MEGF10: variants seen among roughly 807,000 people sequenced by gnomAD.
MEGF10 encodes the protein multiple EGF like domains 10.
A neutral mutation model predicts 147.5 loss-of-function variants in MEGF10; 86 were observed. That is an observed-to-expected ratio of 0.58 (90% CI 0.49 to 0.70). The LOEUF (loss-of-function observed/expected upper bound fraction) is 0.70, where lower values mean the gene tolerates loss of function less well. Ranked by LOEUF, MEGF10 falls within the 30% of genes least tolerant of loss-of-function variation. The probability of loss-of-function intolerance (pLI) is 0.00; values close to 1 mark genes in which losing one functional copy is unlikely to be tolerated. For synonymous variants in MEGF10, 478 were observed against 525.5 expected, an observed-to-expected ratio of 0.91 and a Z score of 1.24; for missense variants, 1,329 against 1,487.3, an observed-to-expected ratio of 0.89 and a Z score of 1.75.
chr5:127,305,744 C>T (rs1458903844), intron 1 of MEGF10, among the ~76,000 whole-genome samples: 5 of 152,114 alleles, frequency 3.3e-5, no homozygotes, highest in South Asian at 2.1e-4. Context: ...GTGCAGCCAC[C>T]GGGGATGGTT....
rs1413557342 is a variant in MEGF10 at position 127,438,423 on chromosome 5, A to G, written c.2105-16A>G. 3 of 1,613,096 alleles carry G rather than the reference A, an allele frequency of 1.9e-6. No individual in the cohort carries two copies. The highest frequency in any genetic ancestry group is 2.5e-6 in the Non-Finnish European group (3 of 1,179,520). On this transcript the variant is annotated splice_polypyrimidine_tract_variant and intron_variant, in intron 16 of 24. Transcript: ENST00000503335. ...CCTCAGAACTCTGATGGACTTCTCC[A>G]TACCTGTAATTTCAGCATGTCCACC...
chr5:127,437,401 C>T (rs1384315831), intron 16 of MEGF10, among the ~76,000 whole-genome samples: 1 of 149,452 alleles, frequency 6.7e-6, no homozygotes, highest in Non-Finnish European at 1.5e-5. Flanking sequence ...AGTATTTTCC[C>T]CTTGCTCTTG....
the MEGF10 span, among the ~76,000 whole-genome samples, chr5:127,280,107 C>T: frequency 3.3e-4 from 50 of 152,078 alleles, no homozygotes; most frequent in Non-Finnish European, 1.5e-4. Context: ...AAATTATTGT[C>T]GTACTTGTGA....
rs545738779 is a variant in MEGF10, at chr5:127,337,676, G to A, written c.117-1444G>A. Among the ~76,000 whole-genome samples, 4 of 152,138 alleles carry A rather than the reference G, an allele frequency of 2.6e-5. No individual in the cohort carries two copies. The South Asian group carries it at 8.3e-4, about 32-fold the overall frequency. On this transcript the variant is annotated intron_variant, in intron 2 of 24. Coordinates refer to ENST00000503335, the MANE Select transcript of MEGF10 (RefSeq NM_001256545.2). ...AGGTAGCAATGGGTAACATTTGTTGGAGGTAGAAAGAAACAGTCATCTAAA... is the reference window on the plus strand; with the variant it reads ...AGGTAGCAATGGGTAACATTTGTTGAAGGTAGAAAGAAACAGTCATCTAAA...
the MEGF10 span, among the ~76,000 whole-genome samples, chr5:127,260,724 A>T: frequency 4.6e-5 from 7 of 152,188 alleles, no homozygotes; most frequent in East Asian, 1.9e-4. Flanking sequence ...AGGAAAACAA[A>T]CCACTCTAGG....
chr5:127,252,048 A>G, the MEGF10 span, among the ~76,000 whole-genome samples: 4 of 152,042 alleles, frequency 2.6e-5, no homozygotes, highest in African/African-American at 9.6e-5. Context: ...AGATAAATGT[A>G]AATTAATGTG....
intron 13 of MEGF10, among the ~76,000 whole-genome samples, chr5:127,425,202 C>G (rs1765170328): frequency 6.6e-6 from 1 of 152,216 alleles, no homozygotes; most frequent in Non-Finnish European, 1.5e-5. Context: ...ATTCCACAGT[C>G]TGGGTCATGG....
chr5:127,367,663 TAAAGGC>T (rs1007186381), intron 4 of MEGF10, among the ~76,000 whole-genome samples: 9 of 152,342 alleles, frequency 5.9e-5, no homozygotes, highest in African/African-American at 4.8e-5. Context: ...TGTTTCACTT[TAAAGGC>T]AAAGAGTATC....
chr5:127,391,179 A>G (rs1045536962), intron 5 of MEGF10, among the ~76,000 whole-genome samples: 2 of 149,466 alleles, frequency 1.3e-5, no homozygotes, highest in Non-Finnish European at 3.0e-5. Flanking sequence ...TTTAGGAAAA[A>G]CTCCCAAGAG....
At chr5:127,272,856 G>A in the MEGF10 span, among the ~76,000 whole-genome samples, 2 of 152,134 alleles carry the variant, frequency 1.3e-5, no homozygotes, top group African/African-American at 2.4e-5. Flanking sequence ...TCTAGATATA[G>A]GAGCATGTCA....
At chr5:127,389,289 G>A (rs572873114) in intron 5 of MEGF10, among the ~76,000 whole-genome samples, 5 of 152,304 alleles carry the variant, frequency 3.3e-5, no homozygotes, top group Admixed American at 2.0e-4. Flanking sequence ...AGATGCTGGC[G>A]AGGTTGTTGG....
chr5:127,396,400 G>T, intron 5 of MEGF10, 132 bp from the exon 6 acceptor site: 6 of 1,059,112 alleles, frequency 5.7e-6, no homozygotes, highest in Non-Finnish European at 4.0e-6. Context: ...CATTGCCATG[G>T]GTTGGGGCCA....
intron 1 of MEGF10, among the ~76,000 whole-genome samples, chr5:127,328,174 A>C (rs968890309): frequency 3.3e-5 from 5 of 152,122 alleles, no homozygotes; most frequent in Non-Finnish European, 5.9e-5. Context: ...TTCTCTCCTC[A>C]TCGTCTATAA....
Position 127,405,781 on chromosome 5 carries a change from T to C in MEGF10, c.917+3099T>C, listed in dbSNP as rs569779067. ...ATTCTTAAGTAGTTTTTTAAATCCCTTTTTTTAATTAAAAATTTTGTTAAT... is the reference window on the plus strand; with the variant it reads ...ATTCTTAAGTAGTTTTTTAAATCCCCTTTTTTAATTAAAAATTTTGTTAAT... On this transcript the variant is annotated intron_variant, in intron 8 of 24. Transcript: ENST00000503335. Among the ~76,000 whole-genome samples, 8 of 152,230 alleles carry C rather than the reference T, an allele frequency of 5.3e-5. No homozygotes were observed. The South Asian group carries it at 6.2e-4, about 12-fold the overall frequency.
the MEGF10 span, among the ~76,000 whole-genome samples, chr5:127,244,063 G>A: frequency 6.6e-6 from 1 of 151,844 alleles, no homozygotes; most frequent in South Asian, 2.1e-4. Flanking sequence ...GGGCATGGTG[G>A]TGCATGCCTG....
chr5:127,310,649 C>T (rs1293572418), intron 1 of MEGF10, among the ~76,000 whole-genome samples: 1 of 152,124 alleles, frequency 6.6e-6, no homozygotes, highest in African/African-American at 2.4e-5. Context: ...ATTCCACTTT[C>T]ACCATGCTCT....
chr5:127,425,332 A>G (rs1232221523), intron 13 of MEGF10, among the ~76,000 whole-genome samples: 1 of 152,154 alleles, frequency 6.6e-6, no homozygotes, highest in Non-Finnish European at 1.5e-5. Flanking sequence ...CTGCTTCTCT[A>G]AACGGGAAGA....
At chr5:127,267,838 A>G in the MEGF10 span, among the ~76,000 whole-genome samples, 232 of 152,152 alleles carry the variant, frequency 1.5e-3, 3 homozygotes, top group East Asian at 0.032. Context: ...TCTTGCAAGC[A>G]GTCTATCAAT....
At chr5:127,290,683 G>C (rs1393388181), upstream of MEGF10, 5 of 152,504 alleles carry the variant, frequency 3.3e-5, no homozygotes, top group African/African-American at 1.2e-4. Flanking sequence ...GGCGCCAAGC[G>C]ACAACCCCCC....
Sources: allele counts gnomAD v4.1 joint callset (sites outside exome capture counted in the v4.1 genomes callset), GRCh38; gene constraint gnomAD v4.1.1; transcripts MANE v1.5; gene names NCBI Gene and HGNC (gene_info 2026-07-23, HGNC 2026-07-21).